The following DRD2 variants were observed in gnomAD, a reference collection of about 807,000 sequenced individuals.
The protein encoded by DRD2 is D(2) dopamine receptor.
Under a neutral mutation model 38.0 loss-of-function variants are expected in DRD2, and 8 were observed. That is an observed-to-expected ratio of 0.21 (90% CI 0.12 to 0.38). The LOEUF (loss-of-function observed/expected upper bound fraction) is 0.38. Among genes scored for constraint, DRD2 ranks in the 10% least tolerant of loss-of-function variants. DRD2 has a pLI of 1.00. For synonymous variants in DRD2, 230 were observed against 238.6 expected (o/e 0.96, Z 0.33); for missense variants, 403 against 607.7 (o/e 0.66, Z 3.54).
chr11:113,428,273 A>G (rs902968892), intron 1 of DRD2, among the ~76,000 whole-genome samples: 2 of 152,302 alleles, frequency 1.3e-5, no homozygotes, highest in Non-Finnish European at 2.9e-5. Flanking sequence ...GGCCAGAGGG[A>G]GAAGTCACAA....
rs182939957 is a variant in DRD2 at position 113,434,253 on chromosome 11, G to C, written c.-31-9571C>G. 3.2e-3 allele frequency among the ~76,000 whole-genome samples: 480 copies of C among 152,350 alleles called. 2 individuals carry two copies. Among genetic ancestry groups the C allele is most frequent in the South Asian group, 0.01 (50 of 4,828 alleles). On this transcript the variant is annotated intron_variant, in intron 1 of 7. Transcript: ENST00000362072. ...GCTAAACTGTGTGCAAGGCTCACAT[G>C]TGTCTTGTCTCTCCTGGTCTTCTCC... is the stretch of plus-strand genomic sequence containing the variant.
At chr11:113,454,561 A>T (rs1203077243) in intron 1 of DRD2, among the ~76,000 whole-genome samples, 1 of 152,034 alleles carries the variant, frequency 6.6e-6, no homozygotes, top group Non-Finnish European at 1.5e-5. Context: ...AGATTAGTGC[A>T]TTGTCTGTAC....
At chr11:113,466,206 T>G (rs1951367395) in intron 1 of DRD2, among the ~76,000 whole-genome samples, 1 of 152,208 alleles carries the variant, frequency 6.6e-6, no homozygotes, top group Admixed American at 6.5e-5. Context: ...TTCTTAAAAG[T>G]GCTTTGTGGA....
intron 1 of DRD2, among the ~76,000 whole-genome samples, chr11:113,473,666 C>T (rs752714836): frequency 2.0e-5 from 3 of 152,090 alleles, no homozygotes; most frequent in Non-Finnish European, 4.4e-5. Context: ...ACAAATAATC[C>T]AGGAATTTTG....
At position 113,475,096 on chromosome 11, in the gene DRD2, G is replaced by C. The variant is rs7116768; in HGVS notation, c.-52C>G. On this transcript the variant is annotated 5_prime_UTR_variant, in exon 1 of 8. Transcript: ENST00000362072. Reference sequence around the variant, plus strand: ...CTTACCTTCAAGCCATAGGGCGCCCGGGGGCAGAGACGGCGCCGGCTGCTT... The same window carrying C: ...CTTACCTTCAAGCCATAGGGCGCCCCGGGGCAGAGACGGCGCCGGCTGCTT... The C allele has an allele frequency of 0.79, 119,672 of 151,930 alleles. 49,707 individuals are homozygous for C. The highest frequency in any genetic ancestry group is 0.94 in the Middle Eastern group (277 of 296). 9.4% of individuals were successfully genotyped at this position (151,930 alleles called of 1,614,324 possible).
intron 1 of DRD2, among the ~76,000 whole-genome samples, chr11:113,463,841 C>T (rs1246080799): frequency 6.6e-6 from 1 of 152,080 alleles, no homozygotes; most frequent in Non-Finnish European, 1.5e-5. Flanking sequence ...GGCCCTTGGC[C>T]CAGGTAGGTG....
At chr11:113,427,871 A>C (rs959816517) in intron 1 of DRD2, among the ~76,000 whole-genome samples, 1 of 152,120 alleles carries the variant, frequency 6.6e-6, no homozygotes, top group Non-Finnish European at 1.5e-5. Flanking sequence ...ATTATGTTAA[A>C]ATGAGACGCT....
At chr11:113,452,469 T>TGTGTGTGTGCGCGCGC (rs1210531875) in intron 1 of DRD2, among the ~76,000 whole-genome samples, 5 of 118,784 alleles carry the variant, frequency 4.2e-5, no homozygotes, top group African/African-American at 1.8e-4. Flanking sequence ...TGTGTGTGTG[T>TGTGTGTGTGCGCGCGC]GCGCGCGCGC....
In DRD2 at chr11:113,411,045, G is replaced by A. The variant is rs370589957; in HGVS notation, c.1139-125C>T. 264 of 1,043,862 alleles carry A rather than the reference G, an allele frequency of 2.5e-4. 3 individuals are homozygous for A. In the South Asian group the frequency reaches 3.3e-3, roughly 13 times the overall value. The allele number at this position is 1,043,862 out of a possible 1,614,324, so 64.7% of individuals were successfully genotyped here. A position where few individuals can be genotyped will look rare whatever the true frequency, so the allele number is the denominator to read the frequency against. On this transcript the variant is annotated intron_variant, in intron 7 of 7. Transcript: ENST00000362072. Reference sequence around the variant, plus strand: ...GGCTGTAGCCACAGAAGCACTGTAGGAGGAGTCCAGGTCTTGGATCCTAGA... The same window carrying A: ...GGCTGTAGCCACAGAAGCACTGTAGAAGGAGTCCAGGTCTTGGATCCTAGA...
rs1165325481 is a variant in DRD2 at position 113,410,784 on chromosome 11, G to A, written c.1275C>T (p.Ile425=). The A allele has an allele frequency of 6.2e-7, 1 of 1,614,116 alleles. No homozygotes were observed. The highest frequency in any genetic ancestry group is 2.2e-5 in the East Asian group (1 of 44,902). The change falls in exon 8 of 8, where the codon ATC becomes ATT. Residue 425 remains isoleucine (I), a synonymous_variant. Coordinates refer to ENST00000362072, the MANE Select transcript of DRD2 (RefSeq NM_000795.4). ...GYVNSAVNPI[I]YTTFNIEFRK... is the part of the protein sequence containing the mutation. ...GGAACTCAATGTTGAAGGTGGTGTA[G>A]ATGATGGGGTTCACGGCGCTGTTGA...
At chr11:113,454,888 C>T (rs1382164385) in intron 1 of DRD2, among the ~76,000 whole-genome samples, 1 of 152,184 alleles carries the variant, frequency 6.6e-6, no homozygotes, top group East Asian at 1.9e-4. Context: ...GAGAAAAGGG[C>T]AGTCTCTTCA....
At chr11:113,417,982 A>G (rs1432524836) in intron 3 of DRD2, 45 bp downstream of exon 3, 2 of 1,528,440 alleles carry the variant, frequency 1.3e-6, no homozygotes, top group South Asian at 2.2e-5. Flanking sequence ...GGCAGCCAGA[A>G]TGGTGAGTGG....
chr11:113,423,752 AG>A (rs1950908004), intron 2 of DRD2, among the ~76,000 whole-genome samples: 1 of 152,178 alleles, frequency 6.6e-6, no homozygotes, highest in Non-Finnish European at 1.5e-5. Context: ...TCCTAACAAA[AG>A]GGCTACAGCA....
chr11:113,415,678 C>A, intron 4 of DRD2, 67 bp from the exon 5 acceptor site: 2 of 1,520,590 alleles, frequency 1.3e-6, no homozygotes, highest in Non-Finnish European at 1.8e-6. Context: ...CCACAAGAGC[C>A]CATTCATGTC....
chr11:113,450,072 AG>A (rs1951196042), intron 1 of DRD2: 1 of 154,832 alleles, frequency 6.5e-6, no homozygotes, highest in East Asian at 1.9e-4. Flanking sequence ...CAAGTGAAGT[AG>A]TGGGAGGTGG....
chr11:113,459,659 G>A (rs1951299597), intron 1 of DRD2, among the ~76,000 whole-genome samples: 3 of 152,170 alleles, frequency 2.0e-5, no homozygotes, highest in African/African-American at 7.2e-5. Context: ...GAGATGGAGA[G>A]AGGTTGGTTA....
intron 1 of DRD2, among the ~76,000 whole-genome samples, chr11:113,427,611 C>A (rs1275597335): frequency 6.6e-6 from 1 of 152,142 alleles, no homozygotes; most frequent in African/African-American, 2.4e-5. Context: ...TGAACTGAAT[C>A]AAAGGCTCTG....
chr11:113,421,782 G>T (rs774343206), intron 2 of DRD2, among the ~76,000 whole-genome samples: 7 of 152,172 alleles, frequency 4.6e-5, no homozygotes, highest in Non-Finnish European at 8.8e-5. Flanking sequence ...GGCAGGGTGA[G>T]ACGTCACCTG....
rs574264980 is a variant in DRD2 at position 113,469,382 on chromosome 11, C to G, written c.-32+5694G>C. 8.5e-5 allele frequency among the ~76,000 whole-genome samples: 13 copies of G among 152,342 alleles called. No homozygotes were observed. In the East Asian group the frequency reaches 1.5e-3, roughly 18 times the overall value. Reference sequence around the variant, plus strand: ...TTCCTGGTATCATACACAAAGATTACTGCCCTTTCATTCACTAAAGAATTA... The same window carrying G: ...TTCCTGGTATCATACACAAAGATTAGTGCCCTTTCATTCACTAAAGAATTA... On this transcript the variant is annotated intron_variant, in intron 1 of 7. Transcript: ENST00000362072.
Sources: allele counts gnomAD v4.1 joint callset (sites outside exome capture counted in the v4.1 genomes callset), GRCh38; gene constraint gnomAD v4.1.1; transcripts MANE v1.5; gene names NCBI Gene and HGNC (gene_info 2026-07-23, HGNC 2026-07-21).